Variants in ANK3 observed in about 807,000 individuals in gnomAD.
ANK3 encodes ankyrin-3.
In ANK3, 57 loss-of-function variants were observed where a neutral mutation model predicts 370.9. The observed-to-expected ratio is 0.15, with a 90% CI of 0.12 to 0.19. The LOEUF (loss-of-function observed/expected upper bound fraction) is 0.19, where lower values mean the gene tolerates loss of function less well. ANK3 is among the 10% of genes least tolerant of loss of function. The pLI is 1.00. For synonymous variants in ANK3, 1,929 were observed against 1,946.3 expected (o/e 0.99, Z 0.23); for missense variants, 4,439 against 5,302.1 (o/e 0.84, Z 5.06).
chr10:60,063,321 C>G, intron 39 of ANK3, 67 bp from the exon 40 acceptor site: 1 of 1,480,336 alleles, frequency 6.8e-7, no homozygotes, highest in South Asian at 1.4e-5. Context: ...ACAATATCTA[C>G]ACAAAGGCAT....
chr10:60,726,220 A>T (rs946902385), intron 1 of ANK3, among the ~76,000 whole-genome samples: 10 of 152,172 alleles, frequency 6.6e-5, no homozygotes, highest in Admixed American at 6.5e-4. Flanking sequence ...ATATAAAAAA[A>T]AACAGACACA....
At position 60,133,752 on chromosome 10, in the gene ANK3, C is replaced by T. The variant is rs183016461; in HGVS notation, c.2841+519G>A. Reference sequence around the variant, plus strand: ...CCTGGCCAACATGGTGAAACCCCGTCTCTACTAAAAATACAAAAATTAGCT... The same window carrying T: ...CCTGGCCAACATGGTGAAACCCCGTTTCTACTAAAAATACAAAAATTAGCT... On this transcript the variant is annotated intron_variant, in intron 25 of 43. Coordinates refer to ENST00000280772, the MANE Select transcript of ANK3 (RefSeq NM_020987.5). Among the ~76,000 whole-genome samples, 127 of 152,222 alleles carry T rather than the reference C, an allele frequency of 8.3e-4. 1 individual carries two copies. Among genetic ancestry groups the T allele is most frequent in the African/African-American group, 2.8e-3 (116 of 41,544 alleles).
intron 1 of ANK3, among the ~76,000 whole-genome samples, chr10:60,653,663 C>T (rs2133364889): frequency 6.6e-6 from 1 of 152,186 alleles, no homozygotes; most frequent in East Asian, 1.9e-4. Flanking sequence ...GAGCCAAGAG[C>T]TCAAGACTAG....
chr10:60,032,775 A>C (rs2131835705), intron 43 of ANK3, among the ~76,000 whole-genome samples: 1 of 152,226 alleles, frequency 6.6e-6, no homozygotes, highest in East Asian at 1.9e-4. Context: ...TTCCTCTTAT[A>C]ACTTTTTCTT....
chr10:60,594,440 G>A (rs899315474), intron 2 of ANK3, among the ~76,000 whole-genome samples: 9 of 152,018 alleles, frequency 5.9e-5, no homozygotes, highest in Admixed American at 1.3e-4. Flanking sequence ...GAACTTCTTC[G>A]AAAAATCTGG....
At chr10:60,533,320 G>A (rs2076650686) in intron 2 of ANK3, among the ~76,000 whole-genome samples, 1 of 152,124 alleles carries the variant, frequency 6.6e-6, no homozygotes, top group South Asian at 2.1e-4. Flanking sequence ...TTGGATCAAG[G>A]AAGCTGTCGC....
Position 60,082,149 on chromosome 10 carries a change from C to A in ANK3, c.4350+1G>T. The A allele has an allele frequency of 1.2e-6, 2 of 1,609,604 alleles. No individual in the cohort carries two copies. Among genetic ancestry groups the A allele is most frequent in the Non-Finnish European group, 1.7e-6 (2 of 1,177,488 alleles). On this transcript the variant is annotated splice_donor_variant, in intron 35 of 43. Coordinates refer to ENST00000280772, the MANE Select transcript of ANK3 (RefSeq NM_020987.5). LOFTEE classifies it high-confidence loss of function. Reference sequence around the variant, plus strand: ...AATAAAAGCAGAAGTGTTTATATTACCTCATCATCTTGATCTGACTCTGTC... The same window carrying A: ...AATAAAAGCAGAAGTGTTTATATTAACTCATCATCTTGATCTGACTCTGTC...
intron 25 of ANK3, among the ~76,000 whole-genome samples, chr10:60,125,325 T>C (rs78780657): frequency 6.6e-6 from 1 of 152,156 alleles, no homozygotes; most frequent in Admixed American, 6.5e-5. Flanking sequence ...AAGGTCAGAG[T>C]GGAAGCTGAG....
At chr10:60,410,701 C>A (rs1296288437) in intron 2 of ANK3, among the ~76,000 whole-genome samples, 1 of 152,080 alleles carries the variant, frequency 6.6e-6, no homozygotes. Context: ...GGGTCTCAAT[C>A]TGTTGCCCAA....
intron 1 of ANK3, among the ~76,000 whole-genome samples, chr10:60,282,347 G>C (rs1221877503): frequency 6.6e-6 from 1 of 152,108 alleles, no homozygotes; most frequent in East Asian, 1.9e-4. Flanking sequence ...TGTCCATTTT[G>C]CTCTCAAGTT....
chr10:60,279,605 C>T lies in ANK3; in HGVS notation c.149G>A (p.Arg50Gln). Reference protein sequence around the residue: ...DANASYLRAARAGHLEKALDY... With the variant: ...DANASYLRAAQAGHLEKALDY... Reference sequence around the variant, plus strand: ...GAGGGCCTTTTCAAGGTGTCCAGCTCGAGCTGCTCTTAAGTAACTTGCATT... The same window carrying T: ...GAGGGCCTTTTCAAGGTGTCCAGCTTGAGCTGCTCTTAAGTAACTTGCATT... The change falls in exon 2 of 44, where the codon CGA (arginine) becomes CAA (glutamine). Residue 50 changes from arginine (R) to glutamine (Q), a missense_variant. By Grantham distance (43) the Arg-to-Gln change is conservative. Around this residue, in one of 13 missense-constraint regions of ANK3, gnomAD observed 136 missense variants for 230.5 expected, o/e 0.59. Transcript: ENST00000280772. 5 of 1,611,998 alleles carry T rather than the reference C, an allele frequency of 3.1e-6. No individual in the cohort carries two copies. The highest frequency in any genetic ancestry group is 4.2e-6 in the Non-Finnish European group (5 of 1,179,492).
Position 60,028,066 on chromosome 10 carries a change from C to T in ANK3, c.*1780G>A, listed in dbSNP as rs1420248030. 6.6e-6 allele frequency: 1 copy of T among 152,198 alleles called. No individual in the cohort carries two copies. Among genetic ancestry groups the T allele is most frequent in the Non-Finnish European group, 1.5e-5 (1 of 68,032 alleles). The allele number at this position is 152,198 out of a possible 1,614,324, so 9.4% of individuals were successfully genotyped here. On this transcript the variant is annotated 3_prime_UTR_variant, in exon 44 of 44. Coordinates refer to ENST00000280772, the MANE Select transcript of ANK3 (RefSeq NM_020987.5). ...ACAAAACAAAAACAAGCTCTGTGGG[C>T]TAAAAGCAACTGCATGTTGATGGTT...
intron 2 of ANK3, chr10:60,572,586 C>T: frequency 6.6e-7 from 1 of 1,525,718 alleles, no homozygotes; most frequent in Non-Finnish European, 8.7e-7. Flanking sequence ...TTCCAACATC[C>T]AAAACCACGG....
chr10:60,346,900 C>T (rs897176457), intron 1 of ANK3, among the ~76,000 whole-genome samples: 15 of 151,864 alleles, frequency 9.9e-5, no homozygotes, highest in East Asian at 1.9e-4. Flanking sequence ...ACCACTATTA[C>T]GTCATGTTGT....
chr10:60,697,394 A>G (rs2079475707), intron 1 of ANK3, among the ~76,000 whole-genome samples: 1 of 151,298 alleles, frequency 6.6e-6, no homozygotes, highest in Admixed American at 6.6e-5. Flanking sequence ...ACAGAATTGG[A>G]AAAAACTACT....
At chr10:60,527,001 A>G (rs1338888515) in intron 2 of ANK3, among the ~76,000 whole-genome samples, 1 of 152,154 alleles carries the variant, frequency 6.6e-6, no homozygotes, top group South Asian at 2.1e-4. Flanking sequence ...GTATATATAC[A>G]TACATGTATA....
At chr10:60,238,472 A>G (rs77641671) in intron 7 of ANK3, among the ~76,000 whole-genome samples, 1 of 152,084 alleles carries the variant, frequency 6.6e-6, no homozygotes, top group Non-Finnish European at 1.5e-5. Context: ...GGAGAAAGAC[A>G]CAGCCTTGAA....
At chr10:60,303,743 T>C (rs1333233647) in intron 1 of ANK3, among the ~76,000 whole-genome samples, 1 of 152,114 alleles carries the variant, frequency 6.6e-6, no homozygotes, top group Non-Finnish European at 1.5e-5. Flanking sequence ...CTGGGTATAT[T>C]GCCAAAGAAA....
intron 1 of ANK3, among the ~76,000 whole-genome samples, chr10:60,717,363 G>GT (rs1265996257): frequency 3.3e-5 from 5 of 152,180 alleles, no homozygotes; most frequent in African/African-American, 1.2e-4. Flanking sequence ...GGAGTGAGGA[G>GT]TTATTAGTCT....
Sources: allele counts gnomAD v4.1 joint callset (sites outside exome capture counted in the v4.1 genomes callset), GRCh38; gene constraint gnomAD v4.1.1; regional missense constraint gnomAD v4.1.1; transcripts MANE v1.5; gene names NCBI Gene and HGNC (gene_info 2026-07-23, HGNC 2026-07-21).